Variants in LSS observed in about 807,000 individuals in gnomAD.
LSS encodes 2,3-epoxysqualene-lanosterol cyclase.
LSS carries 90 observed loss-of-function variants against 110.3 expected under a neutral mutation model. The observed-to-expected ratio is 0.82, with a 90% confidence interval of 0.69 to 0.97. The LOEUF is 0.97. LSS is among the 50% of genes least tolerant of loss of function. The pLI, the probability that LSS is intolerant of heterozygous loss-of-function variation, is 0.00. For synonymous variants in LSS, 433 were observed against 400.0 expected (o/e 1.08, Z -0.98); for missense variants, 927 against 990.0 (o/e 0.94, Z 0.85).
At chr21:46,215,552 A>G in intron 8 of LSS, 133 bp downstream of exon 8, 1 of 661,016 alleles carries the variant, frequency 1.5e-6, no homozygotes, top group Non-Finnish European at 2.6e-6. Flanking sequence ...CAGGGCGATG[A>G]GATCCCGCCC....
rs201478214 is a variant in LSS at position 46,218,585 on chromosome 21, CT to C, written c.647+890del. On this transcript the variant is annotated intron_variant, in intron 6 of 21. Coordinates refer to ENST00000397728, the MANE Select transcript of LSS (RefSeq NM_002340.6). ...GTTGCAGTGACCCCAAATCACGCCA[CT>C]GCACTCCAGCCTGAGTGACAAAGCT... Among the ~76,000 whole-genome samples the C allele has an allele frequency of 4.2e-4, 64 of 152,244 alleles. 3 individuals carry two copies. In the East Asian group the frequency reaches 0.012, roughly 29 times the overall value.
chr21:46,205,818 G>T lies in LSS; in HGVS notation c.1670+18C>A. On this transcript the variant is annotated intron_variant, in intron 17 of 21. Transcript: ENST00000397728. ...CGACTTGGCAGCGCCCACACTGAAT[G>T]GCTGAGACCCTCCTTACCGGATCTC... 1 of 1,580,904 alleles carries T rather than the reference G, an allele frequency of 6.3e-7. No homozygotes were observed. The highest frequency in any genetic ancestry group is 1.2e-5 in the South Asian group (1 of 86,896).
intron 16 of LSS, 55 bp downstream of exon 16, chr21:46,206,617 C>T: frequency 1.4e-6 from 2 of 1,473,420 alleles, no homozygotes; most frequent in Non-Finnish European, 9.4e-7. Flanking sequence ...GGTTTGTGTA[C>T]CACAGTGCTA....
intron 1 of LSS, 54 bp from the exon 2 acceptor site, chr21:46,228,653 G>C: frequency 6.3e-7 from 1 of 1,596,382 alleles, no homozygotes; most frequent in African/African-American, 1.3e-5. Flanking sequence ...CCGGCCGCCG[G>C]CCCACTGCCC....
intron 6 of LSS, among the ~76,000 whole-genome samples, chr21:46,217,587 G>C (rs528484025): frequency 6.6e-6 from 1 of 152,022 alleles, no homozygotes; most frequent in African/African-American, 2.4e-5. Context: ...CCAGCATTTC[G>C]CAGCTGGAGT....
chr21:46,194,598 T>A lies in LSS; in HGVS notation c.1881A>T (p.Gly627=), dbSNP rs1301473329. Residue 627 remains glycine, a synonymous_variant, in exon 20 of 22, where the codon GGA becomes GGT. Coordinates refer to ENST00000397728, the MANE Select transcript of LSS (RefSeq NM_002340.6). ...DFLLSRQMAD[G]GWGEDFESCE... is the part of the protein sequence containing the mutation. Reference sequence around the variant, plus strand: ...AGGACTCAAAGTCCTCCCCCCAGCCTCCGTCTGCCATCTGCCGGGACAGCA... The same window carrying A: ...AGGACTCAAAGTCCTCCCCCCAGCCACCGTCTGCCATCTGCCGGGACAGCA... 2.5e-6 allele frequency: 4 copies of A among 1,613,746 alleles called. No individual in the cohort carries two copies. The South Asian group carries it at 3.3e-5, about 13-fold the overall frequency.
In LSS at chr21:46,210,708, C is replaced by A. The variant is rs771244589; in HGVS notation, c.1174G>T (p.Ala392Ser). 9 of 1,613,900 alleles carry A rather than the reference C, an allele frequency of 5.6e-6. No homozygotes were observed. The highest frequency in any genetic ancestry group is 6.8e-6 in the Non-Finnish European group (8 of 1,180,022). ...CGAACCTCAAGCAGAGCCTGGATGG[C>A]GAATGCGGTGTCCCAGATCTGTGAG... ...NGSQIWDTAF[A>S]IQALLEAGGH... is the part of the protein sequence containing the mutation. The change falls in exon 12 of 22, where the codon GCC (alanine) becomes TCC (serine). Residue 392 changes from alanine to serine, a missense_variant. Ala to Ser is a moderately conservative substitution (Grantham distance 99, BLOSUM62 1). Coordinates refer to ENST00000397728, the MANE Select transcript of LSS (RefSeq NM_002340.6).
chr21:46,211,530 A>G (rs2080134863), intron 11 of LSS, among the ~76,000 whole-genome samples: 1 of 152,170 alleles, frequency 6.6e-6, no homozygotes, highest in Non-Finnish European at 1.5e-5. Flanking sequence ...TCACAGGTAC[A>G]CAGCCTGGTC....
chr21:46,189,932 G>C lies in LSS; in HGVS notation c.*1172C>G, dbSNP rs1006420592. The C allele has an allele frequency of 2.9e-6, 1 of 347,640 alleles. No individual in the cohort carries two copies. The allele number at this position is 347,640 out of a possible 1,614,324, so 21.5% of individuals were successfully genotyped here. A position where few individuals can be genotyped will look rare whatever the true frequency, so the allele number is the denominator to read the frequency against. ...CCAGGACCTGAACTTCCCACCCCAA[G>C]CCCTACATCCATGCAAGCCAGACCA... On this transcript the variant is annotated 3_prime_UTR_variant, in exon 22 of 22. Coordinates refer to ENST00000397728, the MANE Select transcript of LSS (RefSeq NM_002340.6).
In LSS at chr21:46,216,457, G is replaced by A; in HGVS notation, c.715C>T (p.Pro239Ser). The change falls in exon 7 of 22, where the codon CCC becomes TCC. Residue 239 changes from proline (P) to serine (S), a missense_variant. Transcript: ENST00000397728. This position sits in a 1 kb window ranked among gnomAD's most constrained non-coding sequence, Gnocchi z 4.2. The stretch of plus-strand genomic sequence containing the variant: ...CGAACGGCGTAGCAGTAGCTCATGG[G>A]CAGGTACACCTGCCGGCAGTGGCAC... ...LWCHCRQVYL[P>S]MSYCYAVRLS... The A allele has an allele frequency of 6.2e-7, 1 of 1,613,754 alleles. No homozygotes were observed.
chr21:46,215,601 G>T, intron 8 of LSS, 84 bp downstream of exon 8: 1 of 958,896 alleles, frequency 1.0e-6, no homozygotes, highest in Non-Finnish European at 1.5e-6. Flanking sequence ...CAGTGCCGCT[G>T]GCAGGGGATG....
rs377576676 is a variant in LSS, at chr21:46,201,775, A to G, written c.1670+4061T>C. On this transcript the variant is annotated intron_variant, in intron 17 of 21. Coordinates refer to ENST00000397728, the MANE Select transcript of LSS (RefSeq NM_002340.6). ...AACTTGCAACTCCAAACTGTATCTCAAAAACTCTCCAGGTAAGTTTAAAAT... is the reference window on the plus strand; with the variant it reads ...AACTTGCAACTCCAAACTGTATCTCGAAAACTCTCCAGGTAAGTTTAAAAT... 4.7e-3 allele frequency among the ~76,000 whole-genome samples: 717 copies of G among 151,020 alleles called. 27 individuals are homozygous for G. In the South Asian group the frequency reaches 0.08, roughly 17 times the overall value.
intron 17 of LSS, among the ~76,000 whole-genome samples, chr21:46,202,758 T>C (rs1053378091): frequency 3.3e-5 from 5 of 152,292 alleles, no homozygotes; most frequent in African/African-American, 7.2e-5. Context: ...GCACCTGTAG[T>C]CCCAGCTACT....
At chr21:46,191,851 C>T (rs772718839) in intron 21 of LSS, 30 bp downstream of exon 21, 48 of 1,596,364 alleles carry the variant, frequency 3.0e-5, no homozygotes, top group Non-Finnish European at 4.1e-5. Flanking sequence ...CAGTGCTGGG[C>T]CTTGTGCGCT....
rs1256214422 is a variant in LSS, at chr21:46,190,073, G to A, written c.*1031C>T. On this transcript the variant is annotated 3_prime_UTR_variant, in exon 22 of 22. Coordinates refer to ENST00000397728, the MANE Select transcript of LSS (RefSeq NM_002340.6). The surrounding 1 kb of genome is among the most constrained non-coding windows in gnomAD (Gnocchi z 4.6). ...CCTGGGCATGAGACTGGCGGCAGCC[G>A]TAGGGGTGCCCTGGGTATATGCCGG... The A allele has an allele frequency of 4.2e-5, 11 of 260,398 alleles. 1 individual carries two copies. The highest frequency in any genetic ancestry group is 5.3e-5 in the Non-Finnish European group (7 of 132,904). 16.1% of individuals were successfully genotyped at this position (260,398 alleles called of 1,614,324 possible). A position where few individuals can be genotyped will look rare whatever the true frequency, so the allele number is the denominator to read the frequency against.
chr21:46,206,359 C>T (rs1429601148), intron 16 of LSS, among the ~76,000 whole-genome samples: 1 of 152,218 alleles, frequency 6.6e-6, no homozygotes, highest in Admixed American at 6.5e-5. Context: ...GCTCTGGATA[C>T]ACAGCAGCCT....
chr21:46,204,026 C>T (rs2080013537), intron 17 of LSS, among the ~76,000 whole-genome samples: 1 of 152,192 alleles, frequency 6.6e-6, no homozygotes, highest in Non-Finnish European at 1.5e-5. Context: ...AGTGTGGTGG[C>T]TCACACCTGT....
In LSS at chr21:46,209,467, G is replaced by A. The variant is rs1569027110; in HGVS notation, c.1266+87C>T. The A allele has an allele frequency of 3.3e-6, 4 of 1,208,044 alleles. No individual in the cohort carries two copies. Among genetic ancestry groups the A allele is most frequent in the Non-Finnish European group, 4.7e-6 (4 of 854,824 alleles). The allele number at this position is 1,208,044 out of a possible 1,614,324, so 74.8% of individuals were successfully genotyped here. Reference sequence around the variant, plus strand: ...CCAGTGCAGGAAATAGGGCAGGGTGGAGGTGAGGTGGGCACTTCTGCCTGC... The same window carrying A: ...CCAGTGCAGGAAATAGGGCAGGGTGAAGGTGAGGTGGGCACTTCTGCCTGC... On this transcript the variant is annotated intron_variant, in intron 13 of 21. Coordinates refer to ENST00000397728, the MANE Select transcript of LSS (RefSeq NM_002340.6). The surrounding 1 kb of genome is among the most constrained non-coding windows in gnomAD (Gnocchi z 4.4).
At chr21:46,198,260 C>T (rs1170577288) in intron 17 of LSS, among the ~76,000 whole-genome samples, 1 of 110,628 alleles carries the variant, frequency 9.0e-6, no homozygotes, top group African/African-American at 3.8e-5. Context: ...AGTAAGACTG[C>T]GTCCCTTAAA....
Sources: gnomAD v4.1 joint callset for allele counts (sites outside exome capture counted in the v4.1 genomes callset) on GRCh38, gnomAD v4.1.1 for gene constraint, Gnocchi (gnomAD v3.1) non-coding constraint, MANE v1.5 for transcripts, NCBI Gene and HGNC (gene_info 2026-07-23, HGNC 2026-07-21) for gene names.